ASPH: variants seen among roughly 807,000 people sequenced by gnomAD.
The protein encoded by ASPH is aspartyl/asparaginyl beta-hydroxylase.
In ASPH, 100 loss-of-function variants were observed where a neutral mutation model predicts 118.4. That is an observed-to-expected ratio of 0.84 (90% CI 0.72 to 1.00). The LOEUF (loss-of-function observed/expected upper bound fraction) is 1.00, where lower values mean the gene tolerates loss of function less well. ASPH is among the 50% of genes least tolerant of loss of function. ASPH has a pLI of 0.00. For synonymous variants in ASPH, 315 were observed against 325.6 expected (o/e 0.97, Z 0.35); for missense variants, 920 against 919.5 (o/e 1.00, Z -0.01).
chr8:61,629,883 C>T (rs1173608145), intron 13 of ASPH, among the ~76,000 whole-genome samples: 1 of 152,124 alleles, frequency 6.6e-6, no homozygotes, highest in Non-Finnish European at 1.5e-5. Context: ...AGGATCAATC[C>T]GATTTCTACC....
At chr8:61,543,009 T>G (rs987256518) in intron 21 of ASPH, among the ~76,000 whole-genome samples, 1 of 152,214 alleles carries the variant, frequency 6.6e-6, no homozygotes, top group Non-Finnish European at 1.5e-5. Flanking sequence ...AGAATCTCAT[T>G]TTATTTGATT....
intron 3 of ASPH, chr8:61,658,321 T>C (rs1461746942): frequency 6.6e-6 from 1 of 152,190 alleles, no homozygotes; most frequent in Non-Finnish European, 1.5e-5. Flanking sequence ...GACAGACAGA[T>C]TTCAAACAGA....
chr8:61,543,391 G>A (rs938192493), intron 21 of ASPH, among the ~76,000 whole-genome samples: 3 of 152,122 alleles, frequency 2.0e-5, no homozygotes, highest in Non-Finnish European at 4.4e-5. Flanking sequence ...TAAATCTGGT[G>A]TTGAGCCCCC....
chr8:61,504,257 C>T (rs1563612884), intron 24 of ASPH, among the ~76,000 whole-genome samples: 1 of 152,062 alleles, frequency 6.6e-6, no homozygotes, highest in Non-Finnish European at 1.5e-5. Flanking sequence ...TTATGAGGGA[C>T]ACTGATGGTT....
intron 2 of ASPH, among the ~76,000 whole-genome samples, chr8:61,682,711 A>T (rs1179473645): frequency 6.6e-6 from 1 of 152,184 alleles, no homozygotes; most frequent in African/African-American, 2.4e-5. Flanking sequence ...TCAATGAAAG[A>T]CAGATTACAA....
At chr8:61,615,657 G>A (rs1264991794) in intron 14 of ASPH, among the ~76,000 whole-genome samples, 1 of 152,204 alleles carries the variant, frequency 6.6e-6, no homozygotes, top group Non-Finnish European at 1.5e-5. Context: ...CACACATTTT[G>A]TGACCATGGG....
chr8:61,614,434 T>A (rs1050898323), intron 14 of ASPH, among the ~76,000 whole-genome samples: 32 of 152,326 alleles, frequency 2.1e-4, no homozygotes, highest in African/African-American at 7.5e-4. Context: ...AAGAACATAT[T>A]GCACATTTTT....
At chr8:61,535,705 G>C (rs1819220982) in intron 21 of ASPH, among the ~76,000 whole-genome samples, 1 of 152,172 alleles carries the variant, frequency 6.6e-6, no homozygotes, top group Admixed American at 6.5e-5. Flanking sequence ...GAGGAATTAT[G>C]TATCTTATTT....
At chr8:61,710,315 T>C (rs970579141) in intron 1 of ASPH, among the ~76,000 whole-genome samples, 1 of 152,190 alleles carries the variant, frequency 6.6e-6, no homozygotes, top group African/African-American at 2.4e-5. Context: ...GTTTTTCTAT[T>C]GGAACCAGAG....
intron 14 of ASPH, among the ~76,000 whole-genome samples, chr8:61,612,964 A>G (rs1172767634): frequency 6.6e-6 from 1 of 152,184 alleles, no homozygotes; most frequent in African/African-American, 2.4e-5. Flanking sequence ...ATCTTATAAT[A>G]TCACTATCAG....
At chr8:61,577,399 C>CAAAAAAAAAAAAAA (rs775523503) in intron 15 of ASPH, among the ~76,000 whole-genome samples, 5 of 23,280 alleles carry the variant, frequency 2.1e-4, no homozygotes, top group Admixed American at 1.4e-3. Context: ...CCCAATCTCG[C>CAAAAAAAAAAAAAA]AAAAAAAAAA....
Position 61,583,964 on chromosome 8 carries a change from C to T in ASPH, c.1042G>A (p.Ala348Thr), listed in dbSNP as rs1838457816. 2 of 1,583,534 alleles carry T rather than the reference C, an allele frequency of 1.3e-6. No homozygotes were observed. The highest frequency in any genetic ancestry group is 1.8e-5 in the Admixed American group (1 of 55,688). Residue 348 changes from alanine (A) to threonine (T), a missense_variant, in exon 15 of 25, where the codon GCA becomes ACA. By Grantham distance (58) the Ala-to-Thr change is moderately conservative (BLOSUM62 0). Transcript: ENST00000379454. ...DKTIKAELDA[A>T]EKLRKRGKIE... ...CCTACCCTTTTACGGAGTTTTTCTGCAGCATCAAGTTCAGCTTTAATAGTC... is the reference window on the plus strand; with the variant it reads ...CCTACCCTTTTACGGAGTTTTTCTGTAGCATCAAGTTCAGCTTTAATAGTC...
chr8:61,574,662 C>T (rs1029288501), intron 16 of ASPH, among the ~76,000 whole-genome samples: 3 of 152,016 alleles, frequency 2.0e-5, no homozygotes, highest in Non-Finnish European at 4.4e-5. Flanking sequence ...AACACATGGA[C>T]ACAGGGAGGG....
intron 3 of ASPH, chr8:61,664,694 A>C: frequency 1.0e-6 from 1 of 983,534 alleles, no homozygotes; most frequent in Non-Finnish European, 1.2e-6. Flanking sequence ...GGGAAGGAGA[A>C]CCCATGAAAA....
Position 61,669,118 on chromosome 8 carries a change from TA to T in ASPH, c.322+11849del, listed in dbSNP as rs201877142. 5.3e-3 allele frequency among the ~76,000 whole-genome samples: 807 copies of T among 152,322 alleles called. 8 individuals carry two copies. Among genetic ancestry groups the T allele is most frequent in the African/African-American group, 0.019 (769 of 41,566 alleles). On this transcript the variant is annotated intron_variant, in intron 3 of 24. Transcript: ENST00000379454. Reference sequence around the variant, plus strand: ...GGAAGGGTGGCCTTTAGCCTGTCACTAAAGAACGAAGGTCTAAGGTGTGGTC... The same window carrying T: ...GGAAGGGTGGCCTTTAGCCTGTCACTAAGAACGAAGGTCTAAGGTGTGGTC...
chr8:61,576,594 A>C (rs1835222897), intron 16 of ASPH, 178 bp downstream of exon 16: 1 of 511,728 alleles, frequency 2.0e-6, no homozygotes, highest in Non-Finnish European at 3.4e-6. Context: ...GCAGAAAAAA[A>C]TGTTACTAAA....
At chr8:61,551,174 G>A (rs1356221470) in intron 20 of ASPH, among the ~76,000 whole-genome samples, 3 of 152,172 alleles carry the variant, frequency 2.0e-5, no homozygotes, top group African/African-American at 7.2e-5. Flanking sequence ...AATTGCTGCA[G>A]ACCCTCATGG....
chr8:61,693,016 T>C (rs1470061034), intron 1 of ASPH, among the ~76,000 whole-genome samples: 2 of 151,268 alleles, frequency 1.3e-5, no homozygotes, highest in Admixed American at 1.3e-4. Flanking sequence ...TCCTCTGTGG[T>C]CTATGACATC....
chr8:61,592,188 T>C (rs1371459335), intron 14 of ASPH, among the ~76,000 whole-genome samples: 1 of 152,214 alleles, frequency 6.6e-6, no homozygotes, highest in South Asian at 2.1e-4. Flanking sequence ...CCTACTACAG[T>C]AAAGGAAAGT....
Sources: gnomAD v4.1 joint callset for allele counts (sites outside exome capture counted in the v4.1 genomes callset) on GRCh38, gnomAD v4.1.1 for gene constraint, MANE v1.5 for transcripts, NCBI Gene and HGNC (gene_info 2026-07-23, HGNC 2026-07-21) for gene names.